ARMH3: variants seen among roughly 807,000 people sequenced by gnomAD.
ARMH3 encodes the protein armadillo like helical domain containing 3.
Under a neutral mutation model 99.1 loss-of-function variants are expected in ARMH3, and 60 were observed. That is an observed-to-expected ratio of 0.61 (90% CI 0.49 to 0.75). ARMH3 has a LOEUF of 0.75. Among genes scored for constraint, ARMH3 ranks in the 30% least tolerant of loss-of-function variants. The pLI, the probability that ARMH3 is intolerant of heterozygous loss-of-function variation, is 0.00. For missense variants in ARMH3, 679 were observed against 843.1 expected (o/e 0.81, Z 2.41); for synonymous variants, 285 against 292.8 (o/e 0.97, Z 0.27).
chr10:101,881,604 A>G (rs2067421420), intron 24 of ARMH3, among the ~76,000 whole-genome samples: 1 of 152,188 alleles, frequency 6.6e-6, no homozygotes, highest in Non-Finnish European at 1.5e-5. Flanking sequence ...AGGCCTCATC[A>G]TATGTCTACC....
intron 24 of ARMH3, among the ~76,000 whole-genome samples, chr10:101,869,405 C>T (rs763417246): frequency 3.4e-4 from 51 of 152,166 alleles, no homozygotes; most frequent in Non-Finnish European, 6.9e-4. Flanking sequence ...TGTAATCACA[C>T]TGAGTATATT....
At chr10:101,991,044 A>G (rs1846765741) in intron 18 of ARMH3, among the ~76,000 whole-genome samples, 1 of 152,218 alleles carries the variant, frequency 6.6e-6, no homozygotes, top group South Asian at 2.1e-4. Flanking sequence ...TCATCTTACT[A>G]TCATGCTCAG....
In ARMH3 at chr10:101,961,687, C is replaced by A. The variant is rs574568949; in HGVS notation, c.1496-3955G>T. On this transcript the variant is annotated intron_variant, in intron 20 of 25. Coordinates refer to ENST00000370033, the MANE Select transcript of ARMH3 (RefSeq NM_024541.3). ...ACAGGCTCCTGACTCACCCCCTCTA[C>A]ATACACACACATTTTTAGAAAACTG... Among the ~76,000 whole-genome samples, 12 of 152,262 alleles carry A rather than the reference C, an allele frequency of 7.9e-5. No individual in the cohort carries two copies. In the East Asian group the frequency reaches 2.3e-3, roughly 29 times the overall value.
chr10:101,871,623 A>G (rs1023540631), intron 24 of ARMH3, among the ~76,000 whole-genome samples: 1 of 152,210 alleles, frequency 6.6e-6, no homozygotes, highest in African/African-American at 2.4e-5. Context: ...GGGAAAGAAC[A>G]TTTACCACAC....
Position 102,029,391 on chromosome 10 carries a change from G to C in ARMH3, c.414+247C>G. ...AAGAATGTATGATCATATGATACGAGTAATAAAATAAACTATTCTGTCTTT... is the reference window on the plus strand; with the variant it reads ...AAGAATGTATGATCATATGATACGACTAATAAAATAAACTATTCTGTCTTT... On this transcript the variant is annotated intron_variant, in intron 5 of 25. Transcript: ENST00000370033. The C allele has an allele frequency of 4.3e-6, 6 of 1,397,168 alleles. No individual in the cohort carries two copies. In the South Asian group the frequency reaches 8.3e-5, roughly 19 times the overall value. The allele number at this position is 1,397,168 out of a possible 1,614,324, so 86.5% of individuals were successfully genotyped here.
intron 24 of ARMH3, among the ~76,000 whole-genome samples, chr10:101,880,938 T>C (rs2067399796): frequency 2.0e-5 from 3 of 152,210 alleles, no homozygotes; most frequent in Admixed American, 2.0e-4. Context: ...CCAGCAGTTA[T>C]TTATAATGAC....
intron 24 of ARMH3, among the ~76,000 whole-genome samples, chr10:101,885,223 A>G (rs2067512382): frequency 2.0e-5 from 3 of 152,232 alleles, no homozygotes; most frequent in Admixed American, 6.5e-5. Context: ...ACAGTCTGGC[A>G]GTTCCTCAAA....
At chr10:101,919,569 A>C (rs575921841) in intron 23 of ARMH3, among the ~76,000 whole-genome samples, 1 of 152,214 alleles carries the variant, frequency 6.6e-6, no homozygotes, top group Admixed American at 6.5e-5. Context: ...CTGTAGGCTG[A>C]AGCACATGGC....
intron 24 of ARMH3, among the ~76,000 whole-genome samples, chr10:101,866,550 A>C (rs570172729): frequency 6.6e-6 from 1 of 152,256 alleles, no homozygotes; most frequent in East Asian, 1.9e-4. Context: ...CTACGCCAGC[A>C]GGCATGAAAA....
chr10:101,957,631 T>C lies in ARMH3; in HGVS notation c.1578+19A>G. On this transcript the variant is annotated intron_variant, in intron 21 of 25. Transcript: ENST00000370033. The stretch of plus-strand genomic sequence containing the variant: ...TAGCATATGGCTTCAGAAAAAGAAG[T>C]ATTTGTTTTGATACTCACCATAAGG... 6.3e-7 allele frequency: 1 copy of C among 1,594,838 alleles called. No homozygotes were observed. Among genetic ancestry groups the C allele is most frequent in the Non-Finnish European group, 8.5e-7 (1 of 1,172,544 alleles).
chr10:101,963,186 A>C (rs1389463058), intron 20 of ARMH3, among the ~76,000 whole-genome samples: 2 of 146,304 alleles, frequency 1.4e-5, no homozygotes, highest in Non-Finnish European at 3.0e-5. Flanking sequence ...TCTGTTGCCG[A>C]GGCTGGAGTG....
chr10:101,870,502 A>C (rs2067108130), intron 24 of ARMH3, among the ~76,000 whole-genome samples: 1 of 152,206 alleles, frequency 6.6e-6, no homozygotes, highest in Non-Finnish European at 1.5e-5. Context: ...TGTAAATAAC[A>C]GAATTTAGGT....
chr10:101,920,548 G>C (rs1393418952), intron 23 of ARMH3, among the ~76,000 whole-genome samples: 1 of 152,094 alleles, frequency 6.6e-6, no homozygotes, highest in African/African-American at 2.4e-5. Flanking sequence ...ACAGAAAGAG[G>C]CAGGCAAGAT....
intron 24 of ARMH3, among the ~76,000 whole-genome samples, chr10:101,854,127 A>C (rs987544573): frequency 1.3e-5 from 2 of 152,124 alleles, no homozygotes; most frequent in African/African-American, 4.8e-5. Flanking sequence ...AAAAAGAAAG[A>C]AAATTAACTG....
At chr10:101,956,560 ATGG>A in intron 22 of ARMH3, 34 bp downstream of exon 22, 1 of 1,605,410 alleles carries the variant, frequency 6.2e-7, no homozygotes, top group Non-Finnish European at 8.5e-7. Context: ...AGCTAGACAA[ATGG>A]TGGAGAGAGG....
chr10:101,999,157 A>C (rs1027043464), intron 15 of ARMH3, among the ~76,000 whole-genome samples: 1 of 152,154 alleles, frequency 6.6e-6, no homozygotes, highest in African/African-American at 2.4e-5. Flanking sequence ...ATTTTTAATA[A>C]GAATATTTCA....
chr10:101,944,308 A>AGG (rs1844411617), intron 22 of ARMH3, among the ~76,000 whole-genome samples: 1 of 133,188 alleles, frequency 7.5e-6, no homozygotes, highest in Non-Finnish European at 1.6e-5. Flanking sequence ...AGAGAGAGAG[A>AGG]GAGAGAGAGA....
At chr10:102,037,469 C>T (rs2067305264) in intron 2 of ARMH3, among the ~76,000 whole-genome samples, 1 of 152,070 alleles carries the variant, frequency 6.6e-6, no homozygotes, top group Non-Finnish European at 1.5e-5. Flanking sequence ...CAGGCGTGAG[C>T]CACCACACCT....
chr10:101,867,259 G>T (rs535045400), intron 24 of ARMH3, among the ~76,000 whole-genome samples: 1 of 152,100 alleles, frequency 6.6e-6, no homozygotes. Context: ...CTCTGAAATC[G>T]CAAAGCACCC....
Sources: allele counts gnomAD v4.1 joint callset (sites outside exome capture counted in the v4.1 genomes callset), GRCh38; gene constraint gnomAD v4.1.1; transcripts MANE v1.5; gene names NCBI Gene and HGNC (gene_info 2026-07-23, HGNC 2026-07-21).